The following PCDHGA5 variants were observed in gnomAD, a reference collection of about 807,000 sequenced individuals.
PCDHGA5 encodes the protein protocadherin gamma subfamily A, 5.
A neutral mutation model predicts 56.7 loss-of-function variants in PCDHGA5; 36 were observed. That is an observed-to-expected ratio of 0.64 (90% CI 0.49 to 0.84). The LOEUF (loss-of-function observed/expected upper bound fraction) is 0.84. Among genes scored for constraint, PCDHGA5 ranks in the 40% least tolerant of loss-of-function variants. The pLI is 0.00. For synonymous variants in PCDHGA5, 563 were observed against 520.2 expected (o/e 1.08, Z -1.12); for missense variants, 1,305 against 1,201.5 (o/e 1.09, Z -1.27).
intron 1 of PCDHGA5, among the ~76,000 whole-genome samples, chr5:141,494,030 A>G (rs1165393646): frequency 6.6e-6 from 1 of 151,978 alleles, no homozygotes; most frequent in Non-Finnish European, 1.5e-5. Context: ...AGCCCTGGAG[A>G]CTTAGTTGGC....
chr5:141,469,155 A>C (rs1342352040), intron 1 of PCDHGA5, among the ~76,000 whole-genome samples: 3 of 152,108 alleles, frequency 2.0e-5, no homozygotes, highest in Admixed American at 1.3e-4. Context: ...ACATGTCTGT[A>C]GTCCCAGCTA....
chr5:141,474,499 C>T (rs1480109147), intron 1 of PCDHGA5, among the ~76,000 whole-genome samples: 1 of 152,198 alleles, frequency 6.6e-6, no homozygotes, highest in Non-Finnish European at 1.5e-5. Context: ...TCTTCTAATG[C>T]CTATCAGCCC....
At chr5:141,508,267 C>G (rs993402135) in intron 3 of PCDHGA5, 5 of 152,336 alleles carry the variant, frequency 3.3e-5, no homozygotes, top group African/African-American at 9.6e-5. Context: ...AAGAGAAAAT[C>G]CCGGTCCTTG....
At chr5:141,371,243 T>C in intron 1 of PCDHGA5, 1 of 1,614,002 alleles carries the variant, frequency 6.2e-7, no homozygotes. Flanking sequence ...CCTTCATCAA[T>C]ATTGGCAAGG....
chr5:141,449,040 C>A (rs1333983931), intron 1 of PCDHGA5, among the ~76,000 whole-genome samples: 2 of 152,126 alleles, frequency 1.3e-5, no homozygotes, highest in Non-Finnish European at 2.9e-5. Flanking sequence ...GGATTATTAA[C>A]CAGTCTCATA....
chr5:141,422,204 G>A lies in PCDHGA5; in HGVS notation c.2421+55453G>A, dbSNP rs185669562. On this transcript the variant is annotated intron_variant, in intron 1 of 3. Transcript: ENST00000518069. Reference sequence around the variant, plus strand: ...ATGGAAATTCAAGGCCAAGATGGTGGAGGTCTCTTTACCACCACGACGATG... The same window carrying A: ...ATGGAAATTCAAGGCCAAGATGGTGAAGGTCTCTTTACCACCACGACGATG... The A allele has an allele frequency of 1.7e-4, 269 of 1,562,138 alleles. No individual in the cohort carries two copies. The African/African-American group carries it at 3.6e-3, about 21-fold the overall frequency.
intron 1 of PCDHGA5, chr5:141,376,204 C>T (rs185484474): frequency 1.7e-5 from 28 of 1,614,080 alleles, no homozygotes; most frequent in Admixed American, 1.3e-4. Context: ...TCCTGGCCTT[C>T]GTCATCGTGC....
chr5:141,398,298 C>T (rs746476042), intron 1 of PCDHGA5: 1 of 1,362,258 alleles, frequency 7.3e-7, no homozygotes, highest in South Asian at 1.3e-5. Flanking sequence ...TGGGGTTCAG[C>T]GTCCAGGAGT....
intron 2 of PCDHGA5, 22 bp downstream of exon 2, chr5:141,494,887 C>T (rs116522768): frequency 0.014 from 22,125 of 1,614,118 alleles, 208 homozygotes; most frequent in Middle Eastern, 0.021. Context: ...ATTCTCCAGC[C>T]CACCCTCTTC....
Position 141,383,223 on chromosome 5 carries a change from C to T in PCDHGA5, c.2421+16472C>T, listed in dbSNP as rs76873890. The T allele has an allele frequency of 1.7e-3, 2,674 of 1,613,922 alleles. 41 individuals are homozygous for T. In the African/African-American group the frequency reaches 0.031, roughly 19 times the overall value. Reference sequence around the variant, plus strand: ...CGCGGTGTCTGGTAAACTTTAACATCCTGATGGAAGATAAAATGAATCTTT... The same window carrying T: ...CGCGGTGTCTGGTAAACTTTAACATTCTGATGGAAGATAAAATGAATCTTT... On this transcript the variant is annotated intron_variant, in intron 1 of 3. Transcript: ENST00000518069.
chr5:141,444,695 CCT>C (rs2154560766), intron 1 of PCDHGA5, among the ~76,000 whole-genome samples: 1 of 152,134 alleles, frequency 6.6e-6, no homozygotes, highest in South Asian at 2.1e-4. Flanking sequence ...AAAATATTTT[CCT>C]CTTTCTGTTG....
chr5:141,473,798 T>C lies in PCDHGA5; in HGVS notation c.2422-21009T>C, dbSNP rs1202883137. 2.6e-5 allele frequency among the ~76,000 whole-genome samples: 4 copies of C among 152,350 alleles called. 1 individual carries two copies. The highest frequency in any genetic ancestry group is 6.8e-3 in the Middle Eastern group (2 of 294). On this transcript the variant is annotated intron_variant, in intron 1 of 3. Transcript: ENST00000518069. ...TTTTAATTCAAGAGCAGTATGATGCTACTGAGGAGCAGCTGGACAATTGTG... is the reference window on the plus strand; with the variant it reads ...TTTTAATTCAAGAGCAGTATGATGCCACTGAGGAGCAGCTGGACAATTGTG...
intron 1 of PCDHGA5, among the ~76,000 whole-genome samples, chr5:141,443,082 C>A (rs958408385): frequency 6.6e-6 from 1 of 151,624 alleles, no homozygotes; most frequent in African/African-American, 2.4e-5. Flanking sequence ...ACTGAGTGTT[C>A]CAGTCTCCTT....
chr5:141,367,034 G>A, intron 1 of PCDHGA5: 2 of 369,536 alleles, frequency 5.4e-6, no homozygotes, highest in South Asian at 8.1e-5. Flanking sequence ...TGGAACTGCA[G>A]TTCTATTAAT....
chr5:141,494,142 A>AAGACAACT (rs2099752181), intron 1 of PCDHGA5, among the ~76,000 whole-genome samples: 5 of 152,090 alleles, frequency 3.3e-5, no homozygotes, highest in Admixed American at 6.5e-5. Context: ...TTAGTCACAG[A>AAGACAACT]CCATTGTCTG....
chr5:141,443,163 T>C (rs1054542792), intron 1 of PCDHGA5, among the ~76,000 whole-genome samples: 3 of 152,172 alleles, frequency 2.0e-5, no homozygotes, highest in Non-Finnish European at 4.4e-5. Context: ...TTTATTTCCC[T>C]ACCCATGTCC....
At chr5:141,390,732 G>T in intron 1 of PCDHGA5, 1 of 194,114 alleles carries the variant, frequency 5.2e-6, no homozygotes, top group Non-Finnish European at 1.1e-5. Context: ...TAACTGGTAT[G>T]GTCTCCATAG....
intron 1 of PCDHGA5, among the ~76,000 whole-genome samples, chr5:141,443,866 T>C (rs1017854695): frequency 6.6e-6 from 1 of 151,986 alleles, no homozygotes; most frequent in Non-Finnish European, 1.5e-5. Context: ...ACTGAAAAAA[T>C]TACTGATAAG....
At position 141,431,209 on chromosome 5, in the gene PCDHGA5, G is replaced by C; in HGVS notation, c.2422-63598G>C. Reference sequence around the variant, plus strand: ...TTAGTGAAAATGCAGCCACTGAGATGCGGTTCCCTCTACCCCACGCCTGGG... The same window carrying C: ...TTAGTGAAAATGCAGCCACTGAGATCCGGTTCCCTCTACCCCACGCCTGGG... On this transcript the variant is annotated intron_variant, in intron 1 of 3. Coordinates refer to ENST00000518069, the MANE Select transcript of PCDHGA5 (RefSeq NM_018918.3). The surrounding 1 kb of genome is among the most constrained non-coding windows in gnomAD (Gnocchi z 4.8). 6.2e-7 allele frequency: 1 copy of C among 1,614,190 alleles called. No homozygotes were observed. Among genetic ancestry groups the C allele is most frequent in the Non-Finnish European group, 8.5e-7 (1 of 1,180,038 alleles).
Sources: gnomAD v4.1 joint callset for allele counts (sites outside exome capture counted in the v4.1 genomes callset) on GRCh38, gnomAD v4.1.1 for gene constraint, Gnocchi (gnomAD v3.1) non-coding constraint, MANE v1.5 for transcripts, NCBI Gene and HGNC (gene_info 2026-07-23, HGNC 2026-07-21) for gene names.